Variants in CSMD1 observed in about 807,000 individuals in gnomAD.
CSMD1 encodes CUB and sushi domain-containing protein 1.
CSMD1 carries 213 observed loss-of-function variants against 417.5 expected under a neutral mutation model. The observed-to-expected ratio is 0.51, with a 90% confidence interval of 0.46 to 0.57. The LOEUF is 0.57. CSMD1 is among the 20% of genes least tolerant of loss of function. The pLI is 0.00. For synonymous variants in CSMD1, 2,862 were observed against 1,736.8 expected, an observed-to-expected ratio of 1.65 and a Z score of -16.11; for missense variants, 6,923 against 4,529.7, an observed-to-expected ratio of 1.53 and a Z score of -15.17.
intron 10 of CSMD1, among the ~76,000 whole-genome samples, chr8:3,534,118 C>A (rs553134159): frequency 1.3e-5 from 2 of 152,102 alleles, no homozygotes; most frequent in Non-Finnish European, 2.9e-5. Flanking sequence ...CCATATTCCC[C>A]GCTCTCACTC....
chr8:4,442,657 A>C (rs547840955), intron 2 of CSMD1, among the ~76,000 whole-genome samples: 2 of 152,228 alleles, frequency 1.3e-5, no homozygotes, highest in South Asian at 4.1e-4. Context: ...TACTTTTAAA[A>C]CTTCATTGAC....
chr8:3,076,478 C>G (rs757187649), intron 49 of CSMD1, among the ~76,000 whole-genome samples: 8 of 152,204 alleles, frequency 5.3e-5, no homozygotes, highest in Non-Finnish European at 8.8e-5. Context: ...CAATTCAACC[C>G]ATGACACCAA....
intron 3 of CSMD1, among the ~76,000 whole-genome samples, chr8:4,135,998 T>C (rs746734132): frequency 1.3e-5 from 2 of 152,144 alleles, no homozygotes; most frequent in South Asian, 2.1e-4. Context: ...TCATCACAAA[T>C]TGAATTCAAT....
intron 1 of CSMD1, among the ~76,000 whole-genome samples, chr8:4,892,391 C>A (rs1259473845): frequency 2.6e-5 from 4 of 152,032 alleles, no homozygotes; most frequent in African/African-American, 9.7e-5. Flanking sequence ...AGTTGAGAAT[C>A]CTGAGCTTAC....
intron 5 of CSMD1, among the ~76,000 whole-genome samples, chr8:3,819,233 T>C (rs1453076781): frequency 1.3e-5 from 2 of 152,252 alleles, no homozygotes; most frequent in Middle Eastern, 6.8e-3. Context: ...CTTTGGGCTG[T>C]GTAGTCAAAC....
chr8:3,897,835 G>A (rs529927824), intron 5 of CSMD1, among the ~76,000 whole-genome samples: 1 of 152,134 alleles, frequency 6.6e-6, no homozygotes, highest in South Asian at 2.1e-4. Context: ...TTTCTCATTA[G>A]CCTGAGGATA....
chr8:4,022,713 G>C (rs565552262), intron 4 of CSMD1, among the ~76,000 whole-genome samples: 1 of 152,224 alleles, frequency 6.6e-6, no homozygotes, highest in South Asian at 2.1e-4. Context: ...GAAAAGCTGT[G>C]GTGAAGTGAC....
intron 5 of CSMD1, among the ~76,000 whole-genome samples, chr8:3,820,391 T>C (rs997658909): frequency 6.6e-6 from 1 of 152,148 alleles, no homozygotes; most frequent in Admixed American, 6.5e-5. Flanking sequence ...AAAGAAGGAC[T>C]AAAAGTGAGT....
In CSMD1 at chr8:4,489,924, T is replaced by G. The variant is rs547941740; in HGVS notation, c.303-69859A>C. Among the ~76,000 whole-genome samples the G allele has an allele frequency of 1.8e-3, 280 of 152,282 alleles. 1 individual carries two copies. The highest frequency in any genetic ancestry group is 6.3e-3 in the African/African-American group (263 of 41,556). ...CGTGAGATCATTCATTCATGCTGCT[T>G]TAAGCCACTATGTCTGTGATCGTCA... On this transcript the variant is annotated intron_variant, in intron 2 of 69. Transcript: ENST00000635120.
rs185954947 is a variant in CSMD1 at position 3,977,439 on chromosome 8, T to C, written c.818+20464A>G. On this transcript the variant is annotated intron_variant, in intron 5 of 69. Coordinates refer to ENST00000635120, the MANE Select transcript of CSMD1 (RefSeq NM_033225.6). ...TGTTGTTCCTGTTTTTTCCATGTTC[T>C]CTGAGTTGTTTTGGATGGCATTGGT... 2.3e-3 allele frequency among the ~76,000 whole-genome samples: 348 copies of C among 152,292 alleles called. 1 individual carries two copies. The highest frequency in any genetic ancestry group is 3.1e-3 in the Non-Finnish European group (209 of 68,026).
chr8:4,420,038 AGAG>A lies in CSMD1; in HGVS notation c.327_329del (p.Ser110del). 1 of 1,574,806 alleles carries A rather than the reference AGAG, an allele frequency of 6.3e-7. No individual in the cohort carries two copies. Among genetic ancestry groups the A allele is most frequent in the Non-Finnish European group, 8.6e-7 (1 of 1,158,604 alleles). ...TGAGGATAGATCCTGTACTCACTAT[AGAG>A]GAGGGCAGCTGAAATCCCGATAATC... is the stretch of plus-strand genomic sequence containing the variant. On this transcript the variant is annotated inframe_deletion, in exon 3 of 70. Coordinates refer to ENST00000635120, the MANE Select transcript of CSMD1 (RefSeq NM_033225.6).
chr8:3,280,990 T>C (rs1463328957), intron 26 of CSMD1, among the ~76,000 whole-genome samples: 1 of 152,170 alleles, frequency 6.6e-6, no homozygotes, highest in Non-Finnish European at 1.5e-5. Flanking sequence ...TAAAATGAAG[T>C]ACATTCTTTC....
At chr8:3,872,279 G>C (rs967283305) in intron 5 of CSMD1, among the ~76,000 whole-genome samples, 1 of 152,136 alleles carries the variant, frequency 6.6e-6, no homozygotes, top group African/African-American at 2.4e-5. Context: ...GAACGTGTCA[G>C]GTTTGGGGTC....
Position 4,650,339 on chromosome 8 carries a change from C to T in CSMD1, c.86-12781G>A, listed in dbSNP as rs545958790. ...CAGCCTGGGCAGCAGTACGAGACTC[C>T]GTCTCAAGAAAAAAAAAAAAAAAAA... is the stretch of plus-strand genomic sequence containing the variant. On this transcript the variant is annotated intron_variant, in intron 1 of 69. Transcript: ENST00000635120. Among the ~76,000 whole-genome samples, 59 of 119,818 alleles carry T rather than the reference C, an allele frequency of 4.9e-4. 1 individual carries two copies. In the South Asian group the frequency reaches 0.015, roughly 29 times the overall value. The allele number at this position is 119,818 out of a possible 152,430, so 78.6% of individuals were successfully genotyped here.
chr8:3,345,452 TAA>T (rs1807928041), intron 22 of CSMD1, among the ~76,000 whole-genome samples: 1 of 152,128 alleles, frequency 6.6e-6, no homozygotes, highest in Admixed American at 6.5e-5. Flanking sequence ...GTCAGTTCTC[TAA>T]AGTTAAAATC....
intron 11 of CSMD1, among the ~76,000 whole-genome samples, chr8:3,481,795 T>A (rs1042313356): frequency 2.4e-4 from 36 of 152,154 alleles, no homozygotes; most frequent in African/African-American, 7.7e-4. Flanking sequence ...AAGAAAGGGA[T>A]GAATTCTTCC....
intron 1 of CSMD1, among the ~76,000 whole-genome samples, chr8:4,734,946 A>G (rs141769254): frequency 6.6e-6 from 1 of 152,256 alleles, no homozygotes; most frequent in Non-Finnish European, 1.5e-5. Flanking sequence ...ACTACTCGTT[A>G]TGGCCTGGGA....
intron 1 of CSMD1, among the ~76,000 whole-genome samples, chr8:4,773,983 G>T (rs373122904): frequency 6.6e-6 from 1 of 152,128 alleles, no homozygotes; most frequent in Non-Finnish European, 1.5e-5. Context: ...ATCGCCTCAG[G>T]TCAGGAGTTC....
At chr8:3,882,851 A>G (rs1585135545) in intron 5 of CSMD1, among the ~76,000 whole-genome samples, 2 of 152,208 alleles carry the variant, frequency 1.3e-5, no homozygotes, top group Admixed American at 6.5e-5. Flanking sequence ...TCAGAAGCCA[A>G]GAGAATGGCT....
Sources: allele counts gnomAD v4.1 joint callset (sites outside exome capture counted in the v4.1 genomes callset), GRCh38; gene constraint gnomAD v4.1.1; transcripts MANE v1.5; gene names NCBI Gene and HGNC (gene_info 2026-07-23, HGNC 2026-07-21).